Variants in SLC14A2 observed in about 807,000 individuals in gnomAD.
SLC14A2 encodes the protein urea transporter 2.
In SLC14A2, 91 loss-of-function variants were observed where a neutral mutation model predicts 104.6. That is an observed-to-expected ratio of 0.87 (90% CI 0.73 to 1.04). The LOEUF is 1.04. Among genes scored for constraint, SLC14A2 ranks in the 50% least tolerant of loss-of-function variants. The probability of loss-of-function intolerance (pLI) is 0.00; values close to 1 mark genes in which losing one functional copy is unlikely to be tolerated. For missense variants in SLC14A2, 1,189 were observed against 1,156.0 expected (o/e 1.03, Z -0.41); for synonymous variants, 476 against 466.4 (o/e 1.02, Z -0.27).
intron 1 of SLC14A2, among the ~76,000 whole-genome samples, chr18:45,235,139 T>C (rs1233592268): frequency 6.6e-6 from 1 of 152,210 alleles, no homozygotes; most frequent in African/African-American, 2.4e-5. Flanking sequence ...GGCTAAGCCT[T>C]TATATACTTT....
At chr18:45,667,176 GTTCCCTATAGACTAGACT>G in intron 13 of SLC14A2, 82 bp downstream of exon 13, 1 of 1,106,374 alleles carries the variant, frequency 9.0e-7, no homozygotes, top group Non-Finnish European at 1.3e-6. Flanking sequence ...TGCCATGGGG[GTTCCCTATAGACTAGACT>G]TAGACTAGAC....
intron 2 of SLC14A2, among the ~76,000 whole-genome samples, chr18:45,588,257 C>T (rs538013851): frequency 9.2e-5 from 14 of 152,186 alleles, no homozygotes; most frequent in East Asian, 3.9e-4. Context: ...TGTCCTGGGC[C>T]GAGGCTGGAG....
chr18:45,450,590 G>A (rs912920944), intron 1 of SLC14A2, among the ~76,000 whole-genome samples: 4 of 152,162 alleles, frequency 2.6e-5, no homozygotes, highest in South Asian at 2.1e-4. Context: ...GACCATCATT[G>A]TTGTTCCATT....
intron 2 of SLC14A2, among the ~76,000 whole-genome samples, chr18:45,544,582 G>GA (rs1320838191): frequency 1.3e-5 from 2 of 151,716 alleles, no homozygotes; most frequent in Admixed American, 6.6e-5. Flanking sequence ...AGAAGCCAAA[G>GA]AAAAAAACAA....
chr18:45,295,006 C>T (rs1049153420), intron 1 of SLC14A2, among the ~76,000 whole-genome samples: 4 of 152,220 alleles, frequency 2.6e-5, no homozygotes, highest in Admixed American at 2.6e-4. Context: ...TTGTTTCATT[C>T]CTTTACTCAT....
At chr18:45,545,765 A>C (rs1351239432) in intron 2 of SLC14A2, among the ~76,000 whole-genome samples, 1 of 152,188 alleles carries the variant, frequency 6.6e-6, no homozygotes, top group Admixed American at 6.5e-5. Context: ...CAGGAAACAA[A>C]GGTAGAGGTG....
intron 1 of SLC14A2, among the ~76,000 whole-genome samples, chr18:45,236,163 ATG>A (rs1272522251): frequency 1.8e-5 from 1 of 55,746 alleles, no homozygotes. Context: ...GTGTGTATAT[ATG>A]TGTATATATA....
chr18:45,363,565 G>A (rs547691142), intron 1 of SLC14A2, among the ~76,000 whole-genome samples: 1 of 152,058 alleles, frequency 6.6e-6, no homozygotes, highest in Non-Finnish European at 1.5e-5. Context: ...GCCTTAAATT[G>A]TCCCAGCTCA....
chr18:45,649,656 T>C (rs2045695634), intron 10 of SLC14A2, among the ~76,000 whole-genome samples: 5 of 152,364 alleles, frequency 3.3e-5, no homozygotes, highest in Middle Eastern at 3.4e-3. Flanking sequence ...TATGGTGACA[T>C]ATTCTTTGAC....
chr18:45,540,065 T>C (rs539364220), intron 2 of SLC14A2, among the ~76,000 whole-genome samples: 1 of 152,144 alleles, frequency 6.6e-6, no homozygotes, highest in Non-Finnish European at 1.5e-5. Flanking sequence ...TTTCCTTTCC[T>C]TTCTTTTTTT....
At chr18:45,610,635 G>GA, upstream of SLC14A2, among the ~76,000 whole-genome samples, 1 of 151,990 alleles carries the variant, frequency 6.6e-6, no homozygotes, top group Admixed American at 6.5e-5. Flanking sequence ...CTGTCTCCTG[G>GA]TAGGTTTCAG....
the SLC14A2 span, among the ~76,000 whole-genome samples, chr18:45,192,892 G>A: frequency 2.0e-5 from 3 of 151,996 alleles, no homozygotes; most frequent in Non-Finnish European, 2.9e-5. Flanking sequence ...TCCTGACCTC[G>A]TTATCCATCA....
intron 2 of SLC14A2, among the ~76,000 whole-genome samples, chr18:45,538,380 G>T (rs950268660): frequency 6.6e-6 from 1 of 152,202 alleles, no homozygotes; most frequent in South Asian, 2.1e-4. Flanking sequence ...GCTTTTGCTG[G>T]CTCTGGCTTA....
intron 2 of SLC14A2, among the ~76,000 whole-genome samples, chr18:45,553,593 G>A (rs943820912): frequency 2.0e-5 from 3 of 152,226 alleles, no homozygotes; most frequent in Non-Finnish European, 2.9e-5. Context: ...TTAGATTCTC[G>A]AGGGCCCTTT....
At chr18:45,583,246 C>T (rs1184011693) in intron 2 of SLC14A2, among the ~76,000 whole-genome samples, 1 of 152,192 alleles carries the variant, frequency 6.6e-6, no homozygotes, top group East Asian at 1.9e-4. Flanking sequence ...TTGGCAACCC[C>T]ATTACACCTG....
At chr18:45,517,995 G>A (rs1013757994) in intron 2 of SLC14A2, among the ~76,000 whole-genome samples, 2 of 152,090 alleles carry the variant, frequency 1.3e-5, no homozygotes, top group Non-Finnish European at 2.9e-5. Context: ...TCTTAACTTT[G>A]ACATCTTAAA....
intron 1 of SLC14A2, among the ~76,000 whole-genome samples, chr18:45,290,176 TG>T (rs1297921640): frequency 1.3e-5 from 2 of 152,158 alleles, no homozygotes; most frequent in African/African-American, 4.8e-5. Flanking sequence ...TGCGTGACAC[TG>T]AGGTTTTGGG....
intron 2 of SLC14A2, among the ~76,000 whole-genome samples, chr18:45,511,867 A>G (rs528617575): frequency 1.3e-5 from 2 of 152,348 alleles, no homozygotes; most frequent in Non-Finnish European, 1.5e-5. Flanking sequence ...TCAAGCCTCC[A>G]TCTGCACACC....
At chr18:45,549,509 G>C (rs2044024582) in intron 2 of SLC14A2, among the ~76,000 whole-genome samples, 1 of 152,196 alleles carries the variant, frequency 6.6e-6, no homozygotes, top group African/African-American at 2.4e-5. Flanking sequence ...GGGAGAGGGA[G>C]GGAAGCAGGG....
Sources: allele counts gnomAD v4.1 joint callset (sites outside exome capture counted in the v4.1 genomes callset), GRCh38; gene constraint gnomAD v4.1.1; transcripts MANE v1.5; gene names NCBI Gene and HGNC (gene_info 2026-07-23, HGNC 2026-07-21).